HES4: variants seen among roughly 807,000 people sequenced by gnomAD.
HES4 encodes the protein transcription factor HES-4.
Under a neutral mutation model 10.7 loss-of-function variants are expected in HES4, and 17 were observed. That is an observed-to-expected ratio of 1.59 (90% CI 1.09 to 2.38). The LOEUF (loss-of-function observed/expected upper bound fraction) is 2.38. Among genes scored for constraint, HES4 ranks in the 30% most tolerant of loss-of-function variants. The pLI is 0.00. For missense variants in HES4, 389 were observed against 332.1 expected, an observed-to-expected ratio of 1.17 and a Z score of -1.33; for synonymous variants, 189 against 159.7, an observed-to-expected ratio of 1.18 and a Z score of -1.38.
chr1:999,533 C>T lies in HES4; in HGVS notation c.285G>A (p.Gln95=), dbSNP rs777718188. 5.0e-6 allele frequency: 8 copies of T among 1,600,182 alleles called. No homozygotes were observed. The South Asian group carries it at 5.6e-5, about 11-fold the overall frequency. Reference sequence around the variant, plus strand: ...CCGCCGCCCGCGCCTCACCCGTCACCTGCACGCGACGCAGGCTCCGCAGGT... The same window carrying T: ...CCGCCGCCCGCGCCTCACCCGTCACTTGCACGCGACGCAGGCTCCGCAGGT... ...VRHLRSLRRV[Q]VTAALSADPA... The change falls in exon 3 of 4, where the codon CAG becomes CAA. Residue 95 remains glutamine, a synonymous_variant. Coordinates refer to ENST00000304952, the MANE Select transcript of HES4 (RefSeq NM_021170.4).
intron 2 of HES4, 37 bp downstream of exon 2, chr1:999,655 C>A: frequency 1.9e-6 from 3 of 1,611,066 alleles, no homozygotes; most frequent in Non-Finnish European, 2.5e-6. Context: ...CAGCTGCGAC[C>A]CAGACTCCGG....
chr1:999,248 C>T lies in HES4; in HGVS notation c.477G>A (p.Leu159=). The stretch of plus-strand genomic sequence containing the variant: ...GGGCCTCTGCGGGGGCAGCCGGGGA[C>T]AGCGAGGCCGGGCGGCGGGAGGGTC... ...QLGPSRRPAS[L]SPAAPAEAPA... is the part of the protein sequence containing the mutation. The change falls in exon 4 of 4, where the codon CTG becomes CTA. Residue 159 remains leucine (L), a synonymous_variant. Coordinates refer to ENST00000304952, the MANE Select transcript of HES4 (RefSeq NM_021170.4). The T allele has an allele frequency of 1.4e-6, 2 of 1,388,454 alleles. No homozygotes were observed. The highest frequency in any genetic ancestry group is 1.9e-6 in the Non-Finnish European group (2 of 1,075,792). 86.0% of individuals were successfully genotyped at this position (1,388,454 alleles called of 1,614,324 possible).
Position 999,738 on chromosome 1 carries a change from C to T in HES4, c.158G>A (p.Ser53Asn). ...EKRRRARINE[S>N]LAQLKTLILD... Reference sequence around the variant, plus strand: ...GATGAGGGTTTTGAGCTGAGCGAGGCTCTCGTTAATACGCGCTCGGCGCCG... The same window carrying T: ...GATGAGGGTTTTGAGCTGAGCGAGGTTCTCGTTAATACGCGCTCGGCGCCG... Residue 53 changes from serine (S) to asparagine (N), a missense_variant, in exon 2 of 4, where the codon AGC becomes AAC. Ser to Asn is a conservative substitution (Grantham distance 46, BLOSUM62 1). Coordinates refer to ENST00000304952, the MANE Select transcript of HES4 (RefSeq NM_021170.4). 2 of 1,611,936 alleles carry T rather than the reference C, an allele frequency of 1.2e-6. No individual in the cohort carries two copies. Among genetic ancestry groups the T allele is most frequent in the South Asian group, 2.2e-5 (2 of 90,858 alleles).
Position 999,329 on chromosome 1 carries a change from C to T in HES4, c.396G>A (p.Pro132=), listed in dbSNP as rs376774908. ...CCAGCAGGCGGGAGCGCACGTCGGC[C>T]GGGACGCCCTCGCAGCCGGCCAGGA... The part of the protein sequence containing the change: ...NRFLAGCEGV[P]ADVRSRLLGH... The change falls in exon 4 of 4, where the codon CCG becomes CCA. Residue 132 remains proline, a synonymous_variant. Coordinates refer to ENST00000304952, the MANE Select transcript of HES4 (RefSeq NM_021170.4). The T allele has an allele frequency of 2.2e-5, 32 of 1,481,428 alleles. 1 individual carries two copies. In the African/African-American group the frequency reaches 2.2e-4, roughly 10 times the overall value. 91.8% of individuals were successfully genotyped at this position (1,481,428 alleles called of 1,614,324 possible). A position where few individuals can be genotyped will look rare whatever the true frequency, so the allele number is the denominator to read the frequency against.
In HES4 at chr1:1,000,084, G is replaced by A. The variant is rs1012051813; in HGVS notation, c.-111C>T. ...GATCCGAGCCCCTAGGGCGGATCCCGGCTCCAGGCCCGCGCGCGCCTCAGG... is the reference window on the plus strand; with the variant it reads ...GATCCGAGCCCCTAGGGCGGATCCCAGCTCCAGGCCCGCGCGCGCCTCAGG... On this transcript the variant is annotated 5_prime_UTR_variant, in exon 1 of 4. Coordinates refer to ENST00000304952, the MANE Select transcript of HES4 (RefSeq NM_021170.4). 6.5e-6 allele frequency: 6 copies of A among 916,440 alleles called. No homozygotes were observed. The highest frequency in any genetic ancestry group is 4.3e-4 in the Middle Eastern group (1 of 2,350). The allele number at this position is 916,440 out of a possible 1,614,324, so 56.8% of individuals were successfully genotyped here.
intron 2 of HES4, 31 bp downstream of exon 2, chr1:999,661 T>G: frequency 6.2e-7 from 1 of 1,611,118 alleles, no homozygotes; most frequent in East Asian, 2.2e-5. Context: ...CGACCCAGAC[T>G]CCGGGTCTCG....
At chr1:999,671 G>C (rs780296768) in intron 2 of HES4, 21 bp downstream of exon 2, 23 of 1,611,426 alleles carry the variant, frequency 1.4e-5, no homozygotes, top group East Asian at 2.2e-5. Context: ...TCCGGGTCTC[G>C]GGCCTTCGCC....
Position 999,118 on chromosome 1 carries a change from C to A in HES4, c.607G>T (p.Ala203Ser). 1.6e-6 allele frequency: 2 copies of A among 1,214,642 alleles called. No individual in the cohort carries two copies. The highest frequency in any genetic ancestry group is 1.0e-6 in the Non-Finnish European group (1 of 977,162). 75.2% of individuals were successfully genotyped at this position (1,214,642 alleles called of 1,614,324 possible). The change falls in exon 4 of 4, where the codon GCC becomes TCC. Residue 203 changes from alanine (A) to serine (S), a missense_variant. Transcript: ENST00000304952. ...LLPGLTRALP[A>S]APRAGPQGPG... The stretch of plus-strand genomic sequence containing the variant: ...CCCTGCGGCCCCGCCCTGGGGGCGG[C>A]GGGCAGCGCCCGGGTCAGACCCGGC...
In HES4 at chr1:999,374, A is replaced by T; in HGVS notation, c.351T>A (p.Cys117Ter). 6.7e-7 allele frequency: 1 copy of T among 1,500,472 alleles called. No individual in the cohort carries two copies. Among genetic ancestry groups the T allele is most frequent in the Non-Finnish European group, 8.8e-7 (1 of 1,136,910 alleles). 92.9% of individuals were successfully genotyped at this position (1,500,472 alleles called of 1,614,324 possible). ...CCAGGAAGCGGTTCACCTCCGCCAG[A>T]CACTCGTGGAAGCCGGCGCGGTACT... Reference protein sequence around the residue: ...LGKYRAGFHECLAEVNRFLAG... With the variant: ...LGKYRAGFHE Residue 117 changes from cysteine to a stop codon, truncating the protein, a stop_gained, in exon 4 of 4, where the codon TGT (cysteine) becomes TGA (stop). Coordinates refer to ENST00000304952, the MANE Select transcript of HES4 (RefSeq NM_021170.4). LOFTEE classifies it low-confidence loss of function (END_TRUNC).
rs986516944 is a variant in HES4 at position 999,294 on chromosome 1, G to A, written c.431C>T (p.Ala144Val). ...GGGTCCCAGCTGGCGCAGGCAGGCT[G>A]CCAGGTGGCCCAGCAGGCGGGAGCG... is the stretch of plus-strand genomic sequence containing the variant. ...DVRSRLLGHL[A>V]ACLRQLGPSR... Residue 144 changes from alanine to valine, a missense_variant, in exon 4 of 4, where the codon GCA becomes GTA. Transcript: ENST00000304952. 7 of 1,464,130 alleles carry A rather than the reference G, an allele frequency of 4.8e-6. No individual in the cohort carries two copies. The South Asian group carries it at 6.5e-5, about 14-fold the overall frequency. 90.7% of individuals were successfully genotyped at this position (1,464,130 alleles called of 1,614,324 possible). A position where few individuals can be genotyped will look rare whatever the true frequency, so the allele number is the denominator to read the frequency against.
intron 1 of HES4, 37 bp from the exon 2 acceptor site, chr1:999,824 C>T (rs771302195): frequency 1.1e-5 from 18 of 1,603,696 alleles, no homozygotes; most frequent in Non-Finnish European, 1.5e-5. Context: ...CGCGTCCCTC[C>T]CGCCCCCCGG....
chr1:999,578 G>A lies in HES4; in HGVS notation c.240C>T (p.Ile80=), dbSNP rs764677178. Residue 80 remains isoleucine, a synonymous_variant, in exon 3 of 4, where the codon ATC becomes ATT. Transcript: ENST00000304952. ...GCAGGTGTCTCACGGTCATCTCCAG[G>A]ATGTCCGCCTTCTCCAGCTTCGAGT... ...SRHSKLEKAD[I]LEMTVRHLRS... 3.7e-6 allele frequency: 6 copies of A among 1,610,128 alleles called. No individual in the cohort carries two copies. Among genetic ancestry groups the A allele is most frequent in the Middle Eastern group, 1.6e-4 (1 of 6,062 alleles).
In HES4 at chr1:999,098, C is replaced by T. The variant is rs369555679; in HGVS notation, c.627G>A (p.Pro209=). Residue 209 remains proline, a synonymous_variant, in exon 4 of 4, where the codon CCG becomes CCA. Coordinates refer to ENST00000304952, the MANE Select transcript of HES4 (RefSeq NM_021170.4). ...GCCTCCAGGGCCCACCCGGGCCCTG[C>T]GGCCCCGCCCTGGGGGCGGCGGGCA... The part of the protein sequence containing the change: ...RALPAAPRAG[P]QGPGGPWRPW... 4.7e-5 allele frequency: 58 copies of T among 1,222,194 alleles called. No individual in the cohort carries two copies. The highest frequency in any genetic ancestry group is 4.3e-4 in the East Asian group (13 of 30,142). The allele number at this position is 1,222,194 out of a possible 1,614,324, so 75.7% of individuals were successfully genotyped here. A position where few individuals can be genotyped will look rare whatever the true frequency, so the allele number is the denominator to read the frequency against.
chr1:999,404 C>A lies in HES4; in HGVS notation c.321G>T (p.Leu107=). 1 of 1,518,540 alleles carries A rather than the reference C, an allele frequency of 6.6e-7. No homozygotes were observed. The highest frequency in any genetic ancestry group is 1.3e-5 in the South Asian group (1 of 79,966). 94.1% of individuals were successfully genotyped at this position (1,518,540 alleles called of 1,614,324 possible). A position where few individuals can be genotyped will look rare whatever the true frequency, so the allele number is the denominator to read the frequency against. ...CGTGGAAGCCGGCGCGGTACTTGCC[C>A]AGAACGGCGGGGTCGGCGCTGAGCG... ...TAALSADPAV[L]GKYRAGFHEC... is the part of the protein sequence containing the mutation. Residue 107 remains leucine, a synonymous_variant, in exon 4 of 4, where the codon CTG becomes CTT. Coordinates refer to ENST00000304952, the MANE Select transcript of HES4 (RefSeq NM_021170.4).
Position 999,341 on chromosome 1 carries a change from G to A in HES4, c.384C>T (p.Cys128=). The change falls in exon 4 of 4, where the codon TGC becomes TGT. Residue 128 remains cysteine (C), a synonymous_variant. Coordinates refer to ENST00000304952, the MANE Select transcript of HES4 (RefSeq NM_021170.4). The part of the protein sequence containing the change: ...LAEVNRFLAG[C]EGVPADVRSR... ...AGCGCACGTCGGCCGGGACGCCCTC[G>A]CAGCCGGCCAGGAAGCGGTTCACCT... The A allele has an allele frequency of 6.7e-7, 1 of 1,482,742 alleles. No individual in the cohort carries two copies. The highest frequency in any genetic ancestry group is 8.9e-7 in the Non-Finnish European group (1 of 1,124,528). The allele number at this position is 1,482,742 out of a possible 1,614,324, so 91.8% of individuals were successfully genotyped here. A position where few individuals can be genotyped will look rare whatever the true frequency, so the allele number is the denominator to read the frequency against.
At position 999,167 on chromosome 1, in the gene HES4, G is replaced by A. The variant is rs1419334648; in HGVS notation, c.558C>T (p.Phe186=). The part of the protein sequence containing the change: ...RPLLPSLGGP[F]PLLAPPLLPG... The stretch of plus-strand genomic sequence containing the variant: ...GCAGCAGCGGCGGCGCGAGCAGAGG[G>A]AAGGGGCCGCCGAGCGATGGCAGCA... Residue 186 remains phenylalanine, a synonymous_variant, in exon 4 of 4, where the codon TTC becomes TTT. Coordinates refer to ENST00000304952, the MANE Select transcript of HES4 (RefSeq NM_021170.4). The A allele has an allele frequency of 2.4e-6, 3 of 1,251,340 alleles. No individual in the cohort carries two copies. The highest frequency in any genetic ancestry group is 2.0e-6 in the Non-Finnish European group (2 of 1,001,516). 77.5% of individuals were successfully genotyped at this position (1,251,340 alleles called of 1,614,324 possible).
chr1:999,100 GC>G lies in HES4; in HGVS notation c.624del (p.Pro209ArgfsTer37). The G allele has an allele frequency of 8.2e-7, 1 of 1,221,726 alleles. No individual in the cohort carries two copies. The highest frequency in any genetic ancestry group is 1.0e-6 in the Non-Finnish European group (1 of 981,410). The allele number at this position is 1,221,726 out of a possible 1,614,324, so 75.7% of individuals were successfully genotyped here. A position where few individuals can be genotyped will look rare whatever the true frequency, so the allele number is the denominator to read the frequency against. On this transcript the variant is annotated frameshift_variant, in exon 4 of 4. Coordinates refer to ENST00000304952, the MANE Select transcript of HES4 (RefSeq NM_021170.4). LOFTEE classifies it low-confidence loss of function (END_TRUNC). ...CTCCAGGGCCCACCCGGGCCCTGCG[GC>G]CCCGCCCTGGGGGCGGCGGGCAGCG... ...TRALPAAPRA[G>X]PQGPGGPWRP...
chr1:999,836 C>T (rs1390706863), intron 1 of HES4, 30 bp downstream of exon 1: 2 of 1,597,416 alleles, frequency 1.3e-6, no homozygotes, highest in Non-Finnish European at 1.7e-6. Context: ...GCCCCCCGGT[C>T]GCCCCCCTCA....
rs913761582 is a variant in HES4, at chr1:999,375, C to T, written c.350G>A (p.Cys117Tyr). ...LGKYRAGFHE[C>Y]LAEVNRFLAG... ...CAGGAAGCGGTTCACCTCCGCCAGA[C>T]ACTCGTGGAAGCCGGCGCGGTACTT... is the stretch of plus-strand genomic sequence containing the variant. Residue 117 changes from cysteine (C) to tyrosine (Y), a missense_variant, in exon 4 of 4, where the codon TGT becomes TAT. Coordinates refer to ENST00000304952, the MANE Select transcript of HES4 (RefSeq NM_021170.4). 1.3e-6 allele frequency: 2 copies of T among 1,501,250 alleles called. No individual in the cohort carries two copies. The highest frequency in any genetic ancestry group is 4.7e-5 in the Admixed American group (2 of 42,556). The allele number at this position is 1,501,250 out of a possible 1,614,324, so 93.0% of individuals were successfully genotyped here.
Sources: allele counts gnomAD v4.1 joint callset, GRCh38; gene constraint gnomAD v4.1.1; transcripts MANE v1.5; gene names NCBI Gene and HGNC (gene_info 2026-07-23, HGNC 2026-07-21).